Variants in DST observed in about 807,000 individuals in gnomAD.
The protein encoded by DST is dystonin.
Under a neutral mutation model 875.2 loss-of-function variants are expected in DST, and 253 were observed. The observed-to-expected ratio is 0.29, with a 90% CI of 0.26 to 0.32. The LOEUF (loss-of-function observed/expected upper bound fraction) is 0.32, where lower values mean the gene tolerates loss of function less well. Among genes scored for constraint, DST ranks in the 10% least tolerant of loss-of-function variants. The pLI, the probability that DST is intolerant of heterozygous loss-of-function variation, is 1.00. For missense variants in DST, 8,287 were observed against 9,111.6 expected (o/e 0.91, Z 3.68); for synonymous variants, 3,124 against 3,197.1 (o/e 0.98, Z 0.77).
chr6:56,766,191 A>G (rs967833802), intron 4 of DST, among the ~76,000 whole-genome samples: 9 of 152,220 alleles, frequency 5.9e-5, no homozygotes, highest in Admixed American at 3.3e-4. Flanking sequence ...TTTGCTTAAT[A>G]CAATTTCTAT....
rs2098794312 is a variant in DST at position 56,633,032 on chromosome 6, C to T, written c.3627G>A (p.Lys1209=). The change falls in exon 28 of 104, where the codon AAG becomes AAA. Residue 1209 remains lysine, a synonymous_variant. Transcript: ENST00000680361. ...RIRASNVASI[K]TMLPGEHQQV... ...GCTGATGTTCACCAGGTAGCATTGTCTTTATCTAAAGAAGACCAAAGACCC... is the reference window on the plus strand; with the variant it reads ...GCTGATGTTCACCAGGTAGCATTGTTTTTATCTAAAGAAGACCAAAGACCC... The T allele has an allele frequency of 6.2e-7, 1 of 1,613,674 alleles. No individual in the cohort carries two copies. The highest frequency in any genetic ancestry group is 8.5e-7 in the Non-Finnish European group (1 of 1,179,782).
intron 4 of DST, among the ~76,000 whole-genome samples, chr6:56,798,563 G>A (rs1191499666): frequency 6.6e-6 from 1 of 152,090 alleles, no homozygotes; most frequent in African/African-American, 2.4e-5. Flanking sequence ...TGATGGAGAG[G>A]TACAAGCAAA....
chr6:56,740,796 C>A (rs2099544099), intron 4 of DST, among the ~76,000 whole-genome samples: 1 of 151,854 alleles, frequency 6.6e-6, no homozygotes, highest in African/African-American at 2.4e-5. Flanking sequence ...TTCTAAGCAT[C>A]CAGCAAAAAG....
chr6:56,808,449 G>GA (rs1233694482), intron 4 of DST, among the ~76,000 whole-genome samples: 2 of 151,946 alleles, frequency 1.3e-5, no homozygotes, highest in Admixed American at 1.3e-4. Context: ...AATGCAGTGG[G>GA]AAAAAAATGT....
intron 69 of DST, among the ~76,000 whole-genome samples, chr6:56,520,383 T>C (rs1169766715): frequency 1.3e-5 from 2 of 152,094 alleles, no homozygotes; most frequent in African/African-American, 2.4e-5. Context: ...AGCTTTGTGG[T>C]TGACAAAAGT....
intron 10 of DST, among the ~76,000 whole-genome samples, chr6:56,657,694 T>C (rs1454134465): frequency 6.6e-6 from 1 of 152,230 alleles, no homozygotes; most frequent in African/African-American, 2.4e-5. Context: ...ATGTACTTAA[T>C]GCCACTTAAC....
In DST at chr6:56,498,189, A is replaced by G. The variant is rs1056314721; in HGVS notation, c.19897-136T>C. 19 of 845,724 alleles carry G rather than the reference A, an allele frequency of 2.2e-5. No individual in the cohort carries two copies. In the African/African-American group the frequency reaches 2.9e-4, roughly 13 times the overall value. The allele number at this position is 845,724 out of a possible 1,614,324, so 52.4% of individuals were successfully genotyped here. A position where few individuals can be genotyped will look rare whatever the true frequency, so the allele number is the denominator to read the frequency against. ...TATGTGTAGAATTTTAATTTTTTTTAAAGAGATGGGGTCTTACTCTGTGGC... is the reference window on the plus strand; with the variant it reads ...TATGTGTAGAATTTTAATTTTTTTTGAAGAGATGGGGTCTTACTCTGTGGC... On this transcript the variant is annotated intron_variant, in intron 80 of 103. Coordinates refer to ENST00000680361, the MANE Select transcript of DST (RefSeq NM_001374736.1).
In DST at chr6:56,633,037, T is replaced by C; in HGVS notation, c.3622A>G (p.Ile1208Val). The change falls in exon 28 of 104, where the codon ATA becomes GTA. Residue 1208 changes from isoleucine to valine, a missense_variant and splice_region_variant. By Grantham distance (29) the Ile-to-Val change is conservative (BLOSUM62 3). Around this residue, in one of 10 missense-constraint regions of DST, gnomAD observed 3,138 missense variants for 3,116.6 expected, o/e 1.01. Coordinates refer to ENST00000680361, the MANE Select transcript of DST (RefSeq NM_001374736.1). ...TGTTCACCAGGTAGCATTGTCTTTA[T>C]CTAAAGAAGACCAAAGACCCATGTA... ...DRIRASNVAS[I>V]KTMLPGEHQQ... The C allele has an allele frequency of 6.2e-7, 1 of 1,613,374 alleles. No individual in the cohort carries two copies. The highest frequency in any genetic ancestry group is 8.5e-7 in the Non-Finnish European group (1 of 1,179,496).
At chr6:56,692,478 A>C in intron 9 of DST, 1 of 1,289,750 alleles carries the variant, frequency 7.8e-7, no homozygotes, top group Non-Finnish European at 1.0e-6. Flanking sequence ...GCTGTGTTGC[A>C]TGAGGGCAAA....
chr6:56,889,635 C>T (rs2127657915), intron 3 of DST, among the ~76,000 whole-genome samples: 1 of 152,206 alleles, frequency 6.6e-6, no homozygotes, highest in African/African-American at 2.4e-5. Flanking sequence ...TTGCAGTGTG[C>T]AAAAAACTGG....
intron 51 of DST, 79 bp from the exon 52 acceptor site, chr6:56,573,143 C>G: frequency 8.2e-7 from 1 of 1,224,922 alleles, no homozygotes; most frequent in Non-Finnish European, 1.1e-6. Flanking sequence ...AATGACTATT[C>G]CTAACAACAT....
chr6:56,618,497 T>C, intron 36 of DST: 1 of 1,614,194 alleles, frequency 6.2e-7, no homozygotes, highest in Non-Finnish European at 8.5e-7. Context: ...CATTTTTTGC[T>C]TCAGGTTTTC....
At chr6:56,638,193 T>C (rs1375493512) in intron 22 of DST, among the ~76,000 whole-genome samples, 1 of 152,070 alleles carries the variant, frequency 6.6e-6, no homozygotes, top group Non-Finnish European at 1.5e-5. Flanking sequence ...CCCATAATAG[T>C]ATTTCCTAAC....
chr6:56,596,047 T>A lies in DST; in HGVS notation c.12195+1693A>T, dbSNP rs1246064608. On this transcript the variant is annotated intron_variant, in intron 47 of 103. Coordinates refer to ENST00000680361, the MANE Select transcript of DST (RefSeq NM_001374736.1). ...TACTTATTTATTTATTTATTTATTT[T>A]GAGATGGAGTCTCGCTCTGTCGCCA... Among the ~76,000 whole-genome samples, 4 of 111,812 alleles carry A rather than the reference T, an allele frequency of 3.6e-5. 1 individual carries two copies. The highest frequency in any genetic ancestry group is 3.0e-4 in the Admixed American group (3 of 9,880). 73.4% of individuals were successfully genotyped at this position (111,812 alleles called of 152,430 possible).
At chr6:56,829,596 T>C (rs2153058382) in intron 4 of DST, among the ~76,000 whole-genome samples, 1 of 152,282 alleles carries the variant, frequency 6.6e-6, no homozygotes, top group Middle Eastern at 3.4e-3. Context: ...GTGGTGATCA[T>C]TTCCAAAATA....
intron 98 of DST, 88 bp downstream of exon 98, chr6:56,468,894 A>G (rs2094727303): frequency 9.2e-7 from 1 of 1,082,946 alleles, no homozygotes; most frequent in African/African-American, 1.6e-5. Flanking sequence ...AGCATGGGAA[A>G]GATTGGCCAT....
Position 56,509,831 on chromosome 6 carries a change from T to A in DST, c.18823A>T (p.Ile6275Phe). 6.2e-7 allele frequency: 1 copy of A among 1,613,616 alleles called. No homozygotes were observed. The highest frequency in any genetic ancestry group is 8.5e-7 in the Non-Finnish European group (1 of 1,179,666). ...IDQILESLER[I>F]VERLRQPPSI... ...GGTGGCTGCCTCAGACGTTCCACGA[T>A]GCGTTCCAGGCTCTCAAGGATCTGA... Residue 6275 changes from isoleucine (I) to phenylalanine (F), a missense_variant, in exon 74 of 104, where the codon ATC becomes TTC. This residue lies in a region of DST where 1,292 missense variants were observed against 1,552.7 expected (regional missense o/e 0.83). Transcript: ENST00000680361.
chr6:56,801,234 G>A (rs746351481), intron 4 of DST, among the ~76,000 whole-genome samples: 3 of 151,916 alleles, frequency 2.0e-5, no homozygotes, highest in Non-Finnish European at 4.4e-5. Flanking sequence ...CATCCAGGAC[G>A]ACAATGCATT....
chr6:56,719,932 A>G (rs1344375232), intron 5 of DST, among the ~76,000 whole-genome samples: 1 of 152,224 alleles, frequency 6.6e-6, no homozygotes, highest in Non-Finnish European at 1.5e-5. Context: ...GGGCGAGATC[A>G]CAGGACCACA....
Sources: gnomAD v4.1 joint callset for allele counts (sites outside exome capture counted in the v4.1 genomes callset) on GRCh38, gnomAD v4.1.1 for gene constraint, gnomAD v4.1.1 regional missense constraint, MANE v1.5 for transcripts, NCBI Gene and HGNC (gene_info 2026-07-23, HGNC 2026-07-21) for gene names.